SLC38A6: variants seen among roughly 807,000 people sequenced by gnomAD.
SLC38A6 encodes solute carrier family 38 member 6.
Under a neutral mutation model 65.0 loss-of-function variants are expected in SLC38A6, and 73 were observed. The observed-to-expected ratio is 1.12, with a 90% CI of 0.93 to 1.37. The LOEUF is 1.37. Among genes scored for constraint, SLC38A6 ranks in the 40% most tolerant of loss-of-function variants. SLC38A6 has a pLI of 0.00. For missense variants in SLC38A6, 561 were observed against 531.1 expected (o/e 1.06, Z -0.55); for synonymous variants, 183 against 178.8 (o/e 1.02, Z -0.19).
intron 3 of SLC38A6, among the ~76,000 whole-genome samples, chr14:61,011,835 A>G (rs2039594578): frequency 6.6e-6 from 1 of 152,196 alleles, no homozygotes. Flanking sequence ...ATATTGGTCT[A>G]AAATTCTCTT....
chr14:61,014,820 C>A (rs1439649434), intron 3 of SLC38A6, among the ~76,000 whole-genome samples: 1 of 152,118 alleles, frequency 6.6e-6, no homozygotes, highest in Non-Finnish European at 1.5e-5. Context: ...CAGTTAGGCT[C>A]CTCGGGGGTC....
chr14:60,984,836 A>G (rs752615154), intron 3 of SLC38A6, 33 bp downstream of exon 3: 25 of 1,584,796 alleles, frequency 1.6e-5, no homozygotes, highest in Non-Finnish European at 2.1e-5. Context: ...TTCATTTAAT[A>G]AAGGAGTCTC....
rs760469311 is a variant in SLC38A6, at chr14:61,043,438, G to T, written c.691-12G>T. ...GTTGGTTTCTCTTTTTCCCCTCAAT[G>T]CTCTTAAACAGATTTCAAATGTTAC... is the stretch of plus-strand genomic sequence containing the variant. On this transcript the variant is annotated splice_polypyrimidine_tract_variant and intron_variant, in intron 9 of 15. Coordinates refer to ENST00000267488, the MANE Select transcript of SLC38A6 (RefSeq NM_153811.3). The T allele has an allele frequency of 1.3e-6, 2 of 1,591,102 alleles. No individual in the cohort carries two copies. The highest frequency in any genetic ancestry group is 1.7e-6 in the Non-Finnish European group (2 of 1,170,716).
chr14:61,032,199 C>T (rs2041040444), intron 6 of SLC38A6, among the ~76,000 whole-genome samples: 1 of 151,760 alleles, frequency 6.6e-6, no homozygotes, highest in African/African-American at 2.4e-5. Context: ...GTGTTAATTC[C>T]AACAGTTGTC....
At chr14:61,071,682 CAAA>C (rs747015319) in intron 15 of SLC38A6, among the ~76,000 whole-genome samples, 2 of 105,394 alleles carry the variant, frequency 1.9e-5, no homozygotes, top group Non-Finnish European at 4.1e-5. Flanking sequence ...AATCCTGTCT[CAAA>C]AAAAAAAAAA....
chr14:60,993,768 A>T (rs1158339539), intron 3 of SLC38A6, among the ~76,000 whole-genome samples: 4 of 152,218 alleles, frequency 2.6e-5, no homozygotes, highest in Admixed American at 2.6e-4. Context: ...TAGTCTTTTA[A>T]TGCATCACAC....
intron 3 of SLC38A6, chr14:61,002,010 T>C (rs2038745091): frequency 6.6e-6 from 1 of 152,124 alleles, no homozygotes; most frequent in South Asian, 2.1e-4. Flanking sequence ...TAATTATATT[T>C]GTTTGTTTTT....
chr14:60,987,808 G>T (rs1332019074), intron 3 of SLC38A6, among the ~76,000 whole-genome samples: 1 of 152,164 alleles, frequency 6.6e-6, no homozygotes, highest in Non-Finnish European at 1.5e-5. Context: ...CTAGAACTCT[G>T]CATACCTCTG....
Position 60,982,595 on chromosome 14 carries a change from GGCTTA to G in SLC38A6, c.199_203del (p.Ala67CysfsTer4), listed in dbSNP as rs760820164. 3 of 1,613,920 alleles carry G rather than the reference GGCTTA, an allele frequency of 1.9e-6. No individual in the cohort carries two copies. The highest frequency in any genetic ancestry group is 2.5e-6 in the Non-Finnish European group (3 of 1,179,978). ...TGCCATCATGGGAAGTGGCATCCTT[GGCTTA>G]GCTTATGTTTTGGCTAATACCGGTG... On this transcript the variant is annotated frameshift_variant, in exon 2 of 16. Transcript: ENST00000267488. LOFTEE classifies it high-confidence loss of function.
chr14:61,036,548 A>G (rs1430694952), intron 6 of SLC38A6, among the ~76,000 whole-genome samples: 3 of 152,200 alleles, frequency 2.0e-5, no homozygotes, highest in Non-Finnish European at 4.4e-5. Flanking sequence ...ACCATGGCAC[A>G]TGTATACCTA....
chr14:61,010,876 A>G (rs1408532190), intron 3 of SLC38A6, among the ~76,000 whole-genome samples: 4 of 151,728 alleles, frequency 2.6e-5, no homozygotes, highest in African/African-American at 7.3e-5. Context: ...GCTCTTTTTC[A>G]GTTCCATATG....
intron 4 of SLC38A6, among the ~76,000 whole-genome samples, chr14:61,019,249 A>G (rs188578510): frequency 3.3e-5 from 5 of 152,318 alleles, no homozygotes; most frequent in Admixed American, 2.6e-4. Flanking sequence ...TTTAATTTTT[A>G]TACTTGATAA....
At chr14:61,022,944 C>A (rs1275517484) in intron 5 of SLC38A6, among the ~76,000 whole-genome samples, 1 of 152,092 alleles carries the variant, frequency 6.6e-6, no homozygotes, top group East Asian at 1.9e-4. Context: ...TATGATATAG[C>A]AAATGTTTGA....
intron 5 of SLC38A6, among the ~76,000 whole-genome samples, chr14:61,027,100 G>A (rs1000766143): frequency 1.2e-4 from 19 of 152,046 alleles, no homozygotes; most frequent in African/African-American, 4.3e-4. Flanking sequence ...GCTTCTCCAT[G>A]TTGTTTTTAA....
At chr14:61,008,359 AT>A (rs1358390509) in intron 3 of SLC38A6, among the ~76,000 whole-genome samples, 2 of 152,090 alleles carry the variant, frequency 1.3e-5, no homozygotes, top group Non-Finnish European at 2.9e-5. Flanking sequence ...AAAAATGCTT[AT>A]TTTTACATAC....
intron 12 of SLC38A6, 108 bp downstream of exon 12, chr14:61,046,275 G>C (rs1240834826): frequency 5.8e-6 from 4 of 688,820 alleles, no homozygotes; most frequent in Non-Finnish European, 9.8e-6. Flanking sequence ...AATTTGCTCA[G>C]ATCACCAAAT....
At chr14:61,010,770 G>T (rs1179272485) in intron 3 of SLC38A6, among the ~76,000 whole-genome samples, 2 of 152,190 alleles carry the variant, frequency 1.3e-5, no homozygotes, top group African/African-American at 4.8e-5. Context: ...GTACCGTGCT[G>T]TTTTGGTTAC....
chr14:61,015,650 A>T (rs1051460268), intron 3 of SLC38A6, among the ~76,000 whole-genome samples: 5 of 152,208 alleles, frequency 3.3e-5, no homozygotes, highest in Non-Finnish European at 5.9e-5. Flanking sequence ...ATGTTTTGGG[A>T]TGGAAATGAA....
chr14:61,000,368 G>A (rs774676789), intron 3 of SLC38A6, among the ~76,000 whole-genome samples: 11 of 152,218 alleles, frequency 7.2e-5, no homozygotes, highest in Non-Finnish European at 1.5e-5. Flanking sequence ...AGTGGCTCAC[G>A]CCTATAATCC....
Sources: gnomAD v4.1 joint callset for allele counts (sites outside exome capture counted in the v4.1 genomes callset) on GRCh38, gnomAD v4.1.1 for gene constraint, MANE v1.5 for transcripts, NCBI Gene and HGNC (gene_info 2026-07-23, HGNC 2026-07-21) for gene names.